Variants in PIEZO2 observed in about 807,000 individuals in gnomAD.
PIEZO2 encodes the protein piezo type mechanosensitive ion channel component 2, also known as piezo-type mechanosensitive ion channel component 2.
A neutral mutation model predicts 337.3 loss-of-function variants in PIEZO2; 172 were observed. The observed-to-expected ratio is 0.51, with a 90% CI of 0.45 to 0.58. PIEZO2 has a LOEUF of 0.58. Ranked by LOEUF, PIEZO2 falls within the 20% of genes least tolerant of loss-of-function variation. The pLI is 0.00. For synonymous variants in PIEZO2, 1,251 were observed against 1,228.5 expected, an observed-to-expected ratio of 1.02 and a Z score of -0.38; for missense variants, 3,028 against 3,391.3, an observed-to-expected ratio of 0.89 and a Z score of 2.66.
intron 3 of PIEZO2, among the ~76,000 whole-genome samples, chr18:10,955,031 T>A (rs753550738): frequency 5.9e-5 from 9 of 151,282 alleles, no homozygotes; most frequent in Admixed American, 3.9e-4. Flanking sequence ...AAAGAAGAGA[T>A]GAGAGTAGGA....
At chr18:10,884,569 C>T (rs1473993030) in intron 4 of PIEZO2, among the ~76,000 whole-genome samples, 1 of 152,156 alleles carries the variant, frequency 6.6e-6, no homozygotes, top group African/African-American at 2.4e-5. Context: ...AAAGCACTGG[C>T]CACATTGCCT....
intron 13 of PIEZO2, chr18:10,791,722 T>C (rs979690221): frequency 2.6e-5 from 4 of 153,034 alleles, no homozygotes; most frequent in African/African-American, 9.6e-5. Context: ...CTCCCTTGAC[T>C]GCAATGTTCC....
Position 10,681,642 on chromosome 18 carries a change from A to G in PIEZO2, c.7779+19T>C, listed in dbSNP as rs2034268693. The G allele has an allele frequency of 6.5e-7, 1 of 1,536,850 alleles. No homozygotes were observed. Among genetic ancestry groups the G allele is most frequent in the Non-Finnish European group, 9.0e-7 (1 of 1,110,080 alleles). ...AGATGAGAGGTCTTCACAGAAATCTACTATAGGGATTTACTTACGGTGTCC... is the reference window on the plus strand; with the variant it reads ...AGATGAGAGGTCTTCACAGAAATCTGCTATAGGGATTTACTTACGGTGTCC... On this transcript the variant is annotated intron_variant, in intron 51 of 55. Coordinates refer to ENST00000674853, the MANE Select transcript of PIEZO2 (RefSeq NM_001378183.1).
intron 7 of PIEZO2, among the ~76,000 whole-genome samples, chr18:10,825,550 C>CTTTTTTTT (rs57159292): frequency 0.012 from 1,345 of 113,718 alleles, 34 homozygotes; most frequent in African/African-American, 0.046. Flanking sequence ...TCCTTTCTTC[C>CTTTTTTTT]TTTTTTTTTT....
chr18:10,946,154 A>G (rs773770868), intron 3 of PIEZO2, among the ~76,000 whole-genome samples: 3 of 152,102 alleles, frequency 2.0e-5, no homozygotes, highest in Non-Finnish European at 4.4e-5. Flanking sequence ...AAAGAAAATC[A>G]CCCTATGGCA....
chr18:10,797,067 T>A (rs1204174637), intron 12 of PIEZO2, among the ~76,000 whole-genome samples: 4 of 147,130 alleles, frequency 2.7e-5, no homozygotes, highest in Non-Finnish European at 6.0e-5. Flanking sequence ...TCATGTCATA[T>A]CATACATACC....
rs1369634440 is a variant in PIEZO2, at chr18:10,759,171, T to C, written c.3757+311A>G. ...GTCAGAAAACACAAAAGCCTTCCTC[T>C]CTGGTCTGTCTTTTGAAAGGTGGCT... On this transcript the variant is annotated intron_variant, in intron 26 of 55. Transcript: ENST00000674853. The surrounding 1 kb of genome is among the most constrained non-coding windows in gnomAD (Gnocchi z 5.5). Among the ~76,000 whole-genome samples, 7 of 151,972 alleles carry C rather than the reference T, an allele frequency of 4.6e-5. No individual in the cohort carries two copies. The highest frequency in any genetic ancestry group is 4.6e-4 in the Admixed American group (7 of 15,250).
At chr18:10,967,851 G>C (rs2145418781) in intron 3 of PIEZO2, among the ~76,000 whole-genome samples, 1 of 152,240 alleles carries the variant, frequency 6.6e-6, no homozygotes, top group South Asian at 2.1e-4. Flanking sequence ...TCTTTTGTCA[G>C]ATGTGTAGAT....
At chr18:10,842,011 C>T (rs2041210205) in intron 7 of PIEZO2, among the ~76,000 whole-genome samples, 1 of 152,046 alleles carries the variant, frequency 6.6e-6, no homozygotes, top group African/African-American at 2.4e-5. Context: ...CAAAAATTAG[C>T]TGGGCATGGC....
At chr18:11,058,014 G>A (rs902293535) in intron 2 of PIEZO2, among the ~76,000 whole-genome samples, 2 of 152,178 alleles carry the variant, frequency 1.3e-5, no homozygotes, top group Non-Finnish European at 2.9e-5. Context: ...CAAAACAGTG[G>A]ATAGCCCTGG....
intron 35 of PIEZO2, among the ~76,000 whole-genome samples, chr18:10,733,325 A>G (rs1222783530): frequency 6.6e-6 from 1 of 152,152 alleles, no homozygotes; most frequent in East Asian, 1.9e-4. Context: ...GTTTTGAAAT[A>G]GAAACATTTT....
At chr18:10,901,306 G>C (rs1049474877) in intron 4 of PIEZO2, among the ~76,000 whole-genome samples, 2 of 152,152 alleles carry the variant, frequency 1.3e-5, no homozygotes, top group African/African-American at 4.8e-5. Context: ...GGTTTTCTTT[G>C]AGCCTCAGGA....
At chr18:10,891,368 A>C (rs968389724) in intron 4 of PIEZO2, among the ~76,000 whole-genome samples, 1 of 152,216 alleles carries the variant, frequency 6.6e-6, no homozygotes, top group African/African-American at 2.4e-5. Flanking sequence ...CACAGTAAAA[A>C]GTTTGACTAC....
chr18:10,732,187 C>T (rs967678290), intron 35 of PIEZO2, among the ~76,000 whole-genome samples: 6 of 152,086 alleles, frequency 3.9e-5, no homozygotes, highest in African/African-American at 1.4e-4. Flanking sequence ...CAGGAAAGAG[C>T]AATTGTGAAG....
At chr18:10,722,716 A>G (rs888557049) in intron 36 of PIEZO2, among the ~76,000 whole-genome samples, 2 of 152,238 alleles carry the variant, frequency 1.3e-5, no homozygotes, top group Non-Finnish European at 2.9e-5. Flanking sequence ...TTGCACTGAA[A>G]TTGGCACACT....
At chr18:10,736,204 C>G (rs867119677) in intron 34 of PIEZO2, among the ~76,000 whole-genome samples, 14 of 152,210 alleles carry the variant, frequency 9.2e-5, no homozygotes, top group Admixed American at 7.2e-4. Flanking sequence ...TGCTCCACAA[C>G]AAAGCAAGGA....
intron 1 of PIEZO2, among the ~76,000 whole-genome samples, chr18:11,145,940 A>C (rs1415814120): frequency 6.6e-6 from 1 of 152,130 alleles, no homozygotes; most frequent in African/African-American, 2.4e-5. Flanking sequence ...TTCCTAGGGC[A>C]GGGGAAAGCA....
rs2145500511 is a variant in PIEZO2 at position 10,982,359 on chromosome 18, GA to G, written c.161-2700del. On this transcript the variant is annotated intron_variant, in intron 2 of 55. Coordinates refer to ENST00000674853, the MANE Select transcript of PIEZO2 (RefSeq NM_001378183.1). The surrounding 1 kb of genome is among the most constrained non-coding windows in gnomAD (Gnocchi z 4.1). The stretch of plus-strand genomic sequence containing the variant: ...AAAAAGAATGCTTAAGACCGTTCTT[GA>G]CAAAATTGTAAAAAAAAAATAGAAA... Among the ~76,000 whole-genome samples, 1 of 150,790 alleles carries G rather than the reference GA, an allele frequency of 6.6e-6. No individual in the cohort carries two copies. Among genetic ancestry groups the G allele is most frequent in the South Asian group, 2.1e-4 (1 of 4,792 alleles).
rs776684829 is a variant in PIEZO2 at position 10,697,730 on chromosome 18, A to G, written c.6827+18T>C. 1 of 1,611,732 alleles carries G rather than the reference A, an allele frequency of 6.2e-7. No individual in the cohort carries two copies. The highest frequency in any genetic ancestry group is 8.5e-7 in the Non-Finnish European group (1 of 1,179,584). ...CCCTACAATAAAGCACACATGCCAT[A>G]TGTTCTCATGGACTCACTTCTTTAT... On this transcript the variant is annotated intron_variant, in intron 45 of 55. Transcript: ENST00000674853.
Sources: allele counts gnomAD v4.1 joint callset (sites outside exome capture counted in the v4.1 genomes callset), GRCh38; gene constraint gnomAD v4.1.1; non-coding constraint Gnocchi (gnomAD v3.1); transcripts MANE v1.5; gene names NCBI Gene and HGNC (gene_info 2026-07-23, HGNC 2026-07-21).